Variants in CNTNAP2 observed in about 807,000 individuals in gnomAD.
CNTNAP2 encodes the protein contactin-associated protein-like 2.
In CNTNAP2, 98 loss-of-function variants were observed where a neutral mutation model predicts 155.2. That is an observed-to-expected ratio of 0.63 (90% confidence interval 0.54 to 0.75). The LOEUF (loss-of-function observed/expected upper bound fraction) is 0.75, where lower values mean the gene tolerates loss of function less well. Among genes scored for constraint, CNTNAP2 ranks in the 30% least tolerant of loss-of-function variants. The probability of loss-of-function intolerance (pLI) is 0.00; values close to 1 mark genes in which losing one functional copy is unlikely to be tolerated. For missense variants in CNTNAP2, 1,727 were observed against 1,688.1 expected (o/e 1.02, Z -0.40); for synonymous variants, 651 against 631.2 (o/e 1.03, Z -0.47).
intron 13 of CNTNAP2, among the ~76,000 whole-genome samples, chr7:147,810,158 G>C (rs1026012887): frequency 1.3e-5 from 2 of 151,638 alleles, no homozygotes; most frequent in Admixed American, 1.3e-4. Context: ...TTCTTAAATA[G>C]ATATTATTTA....
chr7:146,388,435 T>A (rs1367671716), intron 1 of CNTNAP2, among the ~76,000 whole-genome samples: 3 of 151,964 alleles, frequency 2.0e-5, no homozygotes, highest in East Asian at 3.9e-4. Flanking sequence ...ATTCTATCTT[T>A]AAAAAAATAA....
intron 1 of CNTNAP2, among the ~76,000 whole-genome samples, chr7:146,592,831 C>T (rs1315149654): frequency 2.0e-5 from 3 of 152,112 alleles, no homozygotes; most frequent in African/African-American, 7.2e-5. Flanking sequence ...TTGATGGGGA[C>T]ATACGGGACA....
At position 147,756,166 on chromosome 7, in the gene CNTNAP2, A is replaced by G. The variant is rs146587341; in HGVS notation, c.2098+116860A>G. On this transcript the variant is annotated intron_variant, in intron 13 of 23. Coordinates refer to ENST00000361727, the MANE Select transcript of CNTNAP2 (RefSeq NM_014141.6). Reference sequence around the variant, plus strand: ...GATCAAGAATTTTGTTCTGAAATATAATTTTCAGATATAGGTGTGCTTGCT... The same window carrying G: ...GATCAAGAATTTTGTTCTGAAATATGATTTTCAGATATAGGTGTGCTTGCT... Among the ~76,000 whole-genome samples, 491 of 152,316 alleles carry G rather than the reference A, an allele frequency of 3.2e-3. 6 individuals carry two copies. Among genetic ancestry groups the G allele is most frequent in the African/African-American group, 0.011 (462 of 41,574 alleles).
intron 1 of CNTNAP2, among the ~76,000 whole-genome samples, chr7:146,726,186 G>A (rs1015070906): frequency 3.3e-5 from 5 of 151,976 alleles, no homozygotes; most frequent in African/African-American, 1.2e-4. Flanking sequence ...GAGAAACAAA[G>A]GTTTTCTTTC....
chr7:147,595,444 C>T (rs756664546), intron 12 of CNTNAP2, among the ~76,000 whole-genome samples: 1 of 152,186 alleles, frequency 6.6e-6, no homozygotes, highest in Middle Eastern at 3.4e-3. Context: ...TTACTCTATC[C>T]AACATGTAAC....
intron 9 of CNTNAP2, among the ~76,000 whole-genome samples, chr7:147,356,395 C>T (rs929105409): frequency 6.6e-6 from 1 of 152,094 alleles, no homozygotes; most frequent in African/African-American, 2.4e-5. Context: ...GCCTCTCTCA[C>T]CACTCCTATT....
intron 18 of CNTNAP2, among the ~76,000 whole-genome samples, chr7:148,180,364 A>C (rs1228120214): frequency 6.6e-6 from 1 of 152,048 alleles, no homozygotes; most frequent in East Asian, 1.9e-4. Context: ...CTTCTCTCTT[A>C]ATGTATTTCT....
rs10234098 is a variant in CNTNAP2, at chr7:146,928,811, C to T, written c.402+88907C>T. Among the ~76,000 whole-genome samples the T allele has an allele frequency of 2.0e-3, 308 of 152,324 alleles. 1 individual carries two copies. Among genetic ancestry groups the T allele is most frequent in the African/African-American group, 6.7e-3 (280 of 41,588 alleles). The stretch of plus-strand genomic sequence containing the variant: ...CCCGCACCTGGCTCGGAGGGTCCTA[C>T]GCCCACGGAGTCTCGCTGGTTGCTA... On this transcript the variant is annotated intron_variant, in intron 3 of 23. Coordinates refer to ENST00000361727, the MANE Select transcript of CNTNAP2 (RefSeq NM_014141.6).
intron 20 of CNTNAP2, among the ~76,000 whole-genome samples, chr7:148,265,829 C>G (rs1253501753): frequency 6.6e-6 from 1 of 152,170 alleles, no homozygotes; most frequent in East Asian, 1.9e-4. Context: ...TTTCAAGATT[C>G]TGCTGCAGAC....
At chr7:146,837,318 G>A (rs1374161264) in intron 2 of CNTNAP2, among the ~76,000 whole-genome samples, 1 of 151,920 alleles carries the variant, frequency 6.6e-6, no homozygotes, top group Non-Finnish European at 1.5e-5. Context: ...GTACAATGAT[G>A]TTTTCTTCTG....
At chr7:147,086,640 T>C (rs966784268) in intron 4 of CNTNAP2, among the ~76,000 whole-genome samples, 1 of 152,092 alleles carries the variant, frequency 6.6e-6, no homozygotes. Flanking sequence ...GGTCTCTCTA[T>C]GTTGCCCAGG....
At chr7:148,177,708 T>C (rs1794963386) in intron 18 of CNTNAP2, among the ~76,000 whole-genome samples, 1 of 152,186 alleles carries the variant, frequency 6.6e-6, no homozygotes, top group Non-Finnish European at 1.5e-5. Flanking sequence ...ATGGTTGTAG[T>C]AGCCTGCCCC....
chr7:146,972,927 GCTGT>G (rs1303708841), intron 3 of CNTNAP2, among the ~76,000 whole-genome samples: 7 of 152,146 alleles, frequency 4.6e-5, no homozygotes, highest in African/African-American at 9.7e-5. Flanking sequence ...TTGATTCTGT[GCTGT>G]CTAATACCAT....
intron 3 of CNTNAP2, among the ~76,000 whole-genome samples, chr7:146,946,108 T>A (rs1010146770): frequency 6.6e-6 from 1 of 151,200 alleles, no homozygotes; most frequent in Non-Finnish European, 1.5e-5. Context: ...CCTTCTTTCC[T>A]TCCTTCCTTC....
chr7:146,307,320 A>G (rs888305954), intron 1 of CNTNAP2, among the ~76,000 whole-genome samples: 2 of 152,202 alleles, frequency 1.3e-5, no homozygotes, highest in Non-Finnish European at 2.9e-5. Flanking sequence ...CTGCTCAATG[A>G]AATAAAAGAG....
rs1439265009 is a variant in CNTNAP2 at position 147,312,630 on chromosome 7, A to T, written c.1498+12340A>T. On this transcript the variant is annotated intron_variant, in intron 9 of 23. Transcript: ENST00000361727. ...GGCTGCATAGTATTCCATGGTGTATATGTGCCACATTTTCTTAATCCAGTC... is the reference window on the plus strand; with the variant it reads ...GGCTGCATAGTATTCCATGGTGTATTTGTGCCACATTTTCTTAATCCAGTC... Among the ~76,000 whole-genome samples, 5 of 110,306 alleles carry T rather than the reference A, an allele frequency of 4.5e-5. 2 individuals are homozygous for T. Among genetic ancestry groups the T allele is most frequent in the African/African-American group, 1.3e-4 (3 of 23,024 alleles). 72.4% of individuals were successfully genotyped at this position (110,306 alleles called of 152,430 possible). A position where few individuals can be genotyped will look rare whatever the true frequency, so the allele number is the denominator to read the frequency against.
intron 15 of CNTNAP2, among the ~76,000 whole-genome samples, chr7:148,107,618 G>A (rs1210921728): frequency 1.3e-5 from 2 of 152,106 alleles, no homozygotes; most frequent in Non-Finnish European, 2.9e-5. Flanking sequence ...GTTTAATTAA[G>A]GAAGTAATTT....
chr7:147,526,306 A>G (rs553104333), intron 11 of CNTNAP2, among the ~76,000 whole-genome samples: 1 of 152,106 alleles, frequency 6.6e-6, no homozygotes, highest in African/African-American at 2.4e-5. Flanking sequence ...GGGACAAATA[A>G]GTTCATTTGT....
At chr7:147,121,324 T>G (rs1801107291) in intron 6 of CNTNAP2, 161 bp downstream of exon 6, 1 of 672,480 alleles carries the variant, frequency 1.5e-6, no homozygotes, top group South Asian at 2.0e-5. Context: ...TTCGTTTCAT[T>G]TTATTTCTAA....
Sources: gnomAD v4.1 joint callset for allele counts (sites outside exome capture counted in the v4.1 genomes callset) on GRCh38, gnomAD v4.1.1 for gene constraint, MANE v1.5 for transcripts, NCBI Gene and HGNC (gene_info 2026-07-23, HGNC 2026-07-21) for gene names.